The following NDRG4 variants were observed in gnomAD, a reference collection of about 807,000 sequenced individuals.
NDRG4 encodes NDRG family member 4.
In NDRG4, 38 loss-of-function variants were observed where a neutral mutation model predicts 55.8. The ratio of observed to expected loss-of-function variants is 0.68; its 90% CI spans 0.53 to 0.89. NDRG4 has a LOEUF of 0.89. Among genes scored for constraint, NDRG4 ranks in the 40% least tolerant of loss-of-function variants. NDRG4 has a pLI of 0.00. For synonymous variants in NDRG4, 190 were observed against 182.7 expected (o/e 1.04, Z -0.32); for missense variants, 455 against 468.6 (o/e 0.97, Z 0.27).
At chr16:58,469,611 T>G (rs111345936) in intron 1 of NDRG4, among the ~76,000 whole-genome samples, 1,644 of 152,292 alleles carry the variant, frequency 0.011, 32 homozygotes, top group African/African-American at 0.034. Flanking sequence ...ACAACCTAAA[T>G]GCGTAACAGT....
intron 2 of NDRG4, among the ~76,000 whole-genome samples, chr16:58,490,282 C>T (rs1000092623): frequency 6.6e-6 from 1 of 152,206 alleles, no homozygotes; most frequent in Non-Finnish European, 1.5e-5. Flanking sequence ...GAGGTGCTGC[C>T]TGCTGGTATG....
chr16:58,515,366 C>A, downstream of NDRG4: 1 of 682,800 alleles, frequency 1.5e-6, no homozygotes, highest in Non-Finnish European at 2.3e-6. Flanking sequence ...AATTGGAGAT[C>A]CTGGACTCAA....
At chr16:58,465,606 C>T (rs2031471356) in intron 1 of NDRG4, among the ~76,000 whole-genome samples, 2 of 151,794 alleles carry the variant, frequency 1.3e-5, no homozygotes, top group South Asian at 4.1e-4. Context: ...TTTATTAAAT[C>T]GGCAGTAGCA....
chr16:58,479,361 G>A (rs148187702), intron 1 of NDRG4, among the ~76,000 whole-genome samples: 1 of 152,248 alleles, frequency 6.6e-6, no homozygotes, highest in Non-Finnish European at 1.5e-5. Flanking sequence ...CATCCTCCTG[G>A]TGCTCACTGA....
rs1231356133 is a variant in NDRG4 at position 58,513,550 on chromosome 16, T to A, written c.*1974T>A. On this transcript the variant is annotated 3_prime_UTR_variant, in exon 15 of 15. Coordinates refer to ENST00000570248, the MANE Select transcript of NDRG4 (RefSeq NM_001242835.2). ...GATGGTCTCCACCCATCTTTCTATT[T>A]CCAGTACACGTCACATTATTTTACC... The A allele has an allele frequency of 6.6e-6, 1 of 151,974 alleles. No homozygotes were observed. Among genetic ancestry groups the A allele is most frequent in the African/African-American group, 2.4e-5 (1 of 41,386 alleles). 9.4% of individuals were successfully genotyped at this position (151,974 alleles called of 1,614,324 possible).
chr16:58,510,723 C>T (rs1176267998), intron 14 of NDRG4, 40 bp downstream of exon 14: 21 of 1,521,630 alleles, frequency 1.4e-5, no homozygotes, highest in Middle Eastern at 1.7e-4. Context: ...GGACGCCCAG[C>T]CTCCTCCTCC....
chr16:58,466,235 C>T (rs1181913938), intron 1 of NDRG4, among the ~76,000 whole-genome samples: 2 of 152,208 alleles, frequency 1.3e-5, no homozygotes, highest in Non-Finnish European at 2.9e-5. Context: ...AGGCTGGTCT[C>T]GAACTTCTGA....
chr16:58,486,743 ACACACACG>A (rs1425073496), intron 1 of NDRG4, among the ~76,000 whole-genome samples: 2 of 109,578 alleles, frequency 1.8e-5, no homozygotes, highest in African/African-American at 6.8e-5. Flanking sequence ...ACACACACAC[ACACACACG>A]CCTGCATGTA....
chr16:58,477,774 G>T (rs554396744), intron 1 of NDRG4, among the ~76,000 whole-genome samples: 5 of 152,014 alleles, frequency 3.3e-5, no homozygotes, highest in Non-Finnish European at 5.9e-5. Context: ...CAGGGGTAAG[G>T]GGGGTGGAGG....
intron 5 of NDRG4, chr16:58,506,042 A>G: frequency 4.9e-6 from 2 of 411,292 alleles, no homozygotes; most frequent in Non-Finnish European, 9.0e-6. Flanking sequence ...TCTCTATAAA[A>G]GCAAAAAAAC....
chr16:58,514,767 GAAAAA>G (rs60036706), downstream of NDRG4, among the ~76,000 whole-genome samples: 33 of 131,180 alleles, frequency 2.5e-4, no homozygotes, highest in Non-Finnish European at 4.0e-4. Context: ...AAAAAAAAAG[GAAAAA>G]AAAAAAAAAC....
rs751311719 is a variant in NDRG4, at chr16:58,509,380, C to T, written c.865+28C>T. 3 of 1,610,340 alleles carry T rather than the reference C, an allele frequency of 1.9e-6. No individual in the cohort carries two copies. In the South Asian group the frequency reaches 3.3e-5, roughly 18 times the overall value. On this transcript the variant is annotated intron_variant, in intron 13 of 14. Coordinates refer to ENST00000570248, the MANE Select transcript of NDRG4 (RefSeq NM_001242835.2). ...GAGTACATTTCCACCCCACCCCACA[C>T]CACCTAGAGACCGGTGGGCAGGCAG... is the stretch of plus-strand genomic sequence containing the variant.
chr16:58,511,605 G>A lies in NDRG4; in HGVS notation c.*29G>A, dbSNP rs199861183. The A allele has an allele frequency of 1.1e-5, 18 of 1,612,852 alleles. No homozygotes were observed. Among genetic ancestry groups the A allele is most frequent in the East Asian group, 6.7e-5 (3 of 44,872 alleles). The stretch of plus-strand genomic sequence containing the variant: ...CCTTGATCCCGCTGACGACGCCCAC[G>A]TCGAGGCCCCACCGCCATCCTTGCG... On this transcript the variant is annotated 3_prime_UTR_variant, in exon 15 of 15. Coordinates refer to ENST00000570248, the MANE Select transcript of NDRG4 (RefSeq NM_001242835.2).
At chr16:58,481,488 GGTGTGGTT>G (rs1045756326) in intron 1 of NDRG4, among the ~76,000 whole-genome samples, 16 of 152,246 alleles carry the variant, frequency 1.1e-4, no homozygotes, top group African/African-American at 2.9e-4. Context: ...GCAGGGTGGT[GGTGTGGTT>G]GGTGAGGGCA....
At chr16:58,470,813 A>C (rs1302848329) in intron 1 of NDRG4, among the ~76,000 whole-genome samples, 2 of 149,070 alleles carry the variant, frequency 1.3e-5, no homozygotes, top group African/African-American at 4.9e-5. Context: ...GGGCTGAGGC[A>C]GGAGGATCGC....
chr16:58,487,772 C>T (rs2035277104), exon 2 of NDRG4: 1 of 1,543,230 alleles, frequency 6.5e-7, no homozygotes, highest in Non-Finnish European at 8.7e-7. Flanking sequence ...TGCTCCACGA[C>T]GTGACCATGG....
intron 1 of NDRG4, chr16:58,463,804 C>G (rs888224903): frequency 6.6e-6 from 1 of 151,662 alleles, no homozygotes; most frequent in East Asian, 1.9e-4. Flanking sequence ...CGCGGTGAGT[C>G]GGCGGCGCCC....
In NDRG4 at chr16:58,509,028, G is replaced by T. The variant is rs750325455; in HGVS notation, c.777+19G>T. 7 of 1,614,022 alleles carry T rather than the reference G, an allele frequency of 4.3e-6. No homozygotes were observed. Among genetic ancestry groups the T allele is most frequent in the Middle Eastern group, 3.3e-4 (2 of 6,084 alleles). On this transcript the variant is annotated intron_variant, in intron 11 of 14. Coordinates refer to ENST00000570248, the MANE Select transcript of NDRG4 (RefSeq NM_001242835.2). ...CCTGAAGGTGAGGCTTTCTTCCCCA[G>T]CCCTGGGCCAGCTTCCCTAGCATGG...
intron 2 of NDRG4, among the ~76,000 whole-genome samples, chr16:58,492,500 G>GTA (rs2035898022): frequency 7.8e-5 from 1 of 12,804 alleles, no homozygotes; most frequent in African/African-American, 1.9e-4. Context: ...GTGTGTGTGT[G>GTA]TGTGTGTGTG....
Sources: gnomAD v4.1 joint callset for allele counts (sites outside exome capture counted in the v4.1 genomes callset) on GRCh38, gnomAD v4.1.1 for gene constraint, MANE v1.5 for transcripts, NCBI Gene and HGNC (gene_info 2026-07-23, HGNC 2026-07-21) for gene names.